PKIA: variants seen among roughly 807,000 people sequenced by gnomAD.
PKIA encodes the protein PKI-alpha.
PKIA carries 4 observed loss-of-function variants against 7.6 expected under a neutral mutation model. The observed-to-expected ratio is 0.52, with a 90% CI of 0.26 to 1.20. PKIA has a LOEUF of 1.20. PKIA is among the 50% of genes most tolerant of loss of function. PKIA has a pLI of 0.13. For synonymous variants in PKIA, 21 were observed against 30.7 expected (o/e 0.68, Z 1.04); for missense variants, 73 against 86.2 (o/e 0.85, Z 0.61).
At chr8:78,550,617 A>AC (rs560888121) in intron 1 of PKIA, among the ~76,000 whole-genome samples, 105 of 151,920 alleles carry the variant, frequency 6.9e-4, no homozygotes, top group Non-Finnish European at 1.1e-3. Context: ...TCCCCTGATC[A>AC]CCCATCCTCC....
At chr8:78,586,905 G>T (rs536922121) in intron 2 of PKIA, among the ~76,000 whole-genome samples, 2 of 152,264 alleles carry the variant, frequency 1.3e-5, no homozygotes, top group South Asian at 4.1e-4. Flanking sequence ...GAGTTGTTAA[G>T]AAATTTAAAT....
chr8:78,579,769 A>C (rs1374523730), intron 2 of PKIA, among the ~76,000 whole-genome samples: 1 of 152,104 alleles, frequency 6.6e-6, no homozygotes, highest in Admixed American at 6.6e-5. Context: ...TATTTAATGC[A>C]TAAGAATCAC....
chr8:78,558,076 G>A (rs1236524397), intron 1 of PKIA, among the ~76,000 whole-genome samples: 3 of 152,116 alleles, frequency 2.0e-5, no homozygotes, highest in African/African-American at 4.8e-5. Flanking sequence ...AGCAGTCAGA[G>A]TGAGTTGTCA....
In PKIA at chr8:78,552,926, C is replaced by T. The variant is rs1035817336; in HGVS notation, c.-156-19885C>T. Reference sequence around the variant, plus strand: ...AGAGATACATAAAGAAAGGAAGGCTCTTACAAAAATAAACACTACAAAATA... The same window carrying T: ...AGAGATACATAAAGAAAGGAAGGCTTTTACAAAAATAAACACTACAAAATA... On this transcript the variant is annotated intron_variant, in intron 1 of 3. Transcript: ENST00000396418. Among the ~76,000 whole-genome samples the T allele has an allele frequency of 5.9e-5, 9 of 151,970 alleles. No individual in the cohort carries two copies. The South Asian group carries it at 1.9e-3, about 32-fold the overall frequency.
intron 1 of PKIA, chr8:78,534,934 T>C (rs1806483171): frequency 6.6e-6 from 1 of 152,158 alleles, no homozygotes; most frequent in African/African-American, 2.4e-5. Context: ...TCTTTAGTCA[T>C]TGACTTTCTA....
intron 1 of PKIA, among the ~76,000 whole-genome samples, chr8:78,551,783 G>A (rs1019313019): frequency 3.3e-5 from 5 of 151,958 alleles, no homozygotes; most frequent in Non-Finnish European, 7.4e-5. Flanking sequence ...ATGGAAGTTA[G>A]TGGGGCTCTT....
In PKIA at chr8:78,542,860, T is replaced by C. The variant is rs1806730879; in HGVS notation, c.-157+26392T>C. Among the ~76,000 whole-genome samples, 3 of 152,152 alleles carry C rather than the reference T, an allele frequency of 2.0e-5. No homozygotes were observed. In the South Asian group the frequency reaches 6.2e-4, roughly 32 times the overall value. Reference sequence around the variant, plus strand: ...AAAAGTGTCTTATCTCCTTCCTGTCTCGTATCCATCTGAAGATGAAGAGTG... The same window carrying C: ...AAAAGTGTCTTATCTCCTTCCTGTCCCGTATCCATCTGAAGATGAAGAGTG... On this transcript the variant is annotated intron_variant, in intron 1 of 3. Coordinates refer to ENST00000396418, the MANE Select transcript of PKIA (RefSeq NM_006823.4).
At chr8:78,571,628 G>A (rs891213019) in intron 1 of PKIA, among the ~76,000 whole-genome samples, 6 of 152,142 alleles carry the variant, frequency 3.9e-5, no homozygotes, top group African/African-American at 1.4e-4. Context: ...CCCCCCAAGA[G>A]TAACCTGTTC....
intron 1 of PKIA, among the ~76,000 whole-genome samples, chr8:78,553,228 G>C (rs138001236): frequency 6.6e-6 from 1 of 151,862 alleles, no homozygotes; most frequent in Admixed American, 6.6e-5. Flanking sequence ...CAAATCTGGT[G>C]CATGTGGGCT....
At chr8:78,524,809 A>G (rs1451118367) in intron 1 of PKIA, among the ~76,000 whole-genome samples, 2 of 151,986 alleles carry the variant, frequency 1.3e-5, no homozygotes, top group Non-Finnish European at 2.9e-5. Flanking sequence ...TTGTTATTTC[A>G]TAAGTAAAAT....
At chr8:78,525,847 C>T (rs1378969533) in intron 1 of PKIA, among the ~76,000 whole-genome samples, 3 of 151,954 alleles carry the variant, frequency 2.0e-5, no homozygotes, top group Admixed American at 2.0e-4. Context: ...ATGTCTAGAT[C>T]ATGTTTTTCA....
chr8:78,562,073 T>A (rs1807299095), intron 1 of PKIA, among the ~76,000 whole-genome samples: 1 of 152,196 alleles, frequency 6.6e-6, no homozygotes, highest in Admixed American at 6.6e-5. Flanking sequence ...CTACCCTTTT[T>A]CTACATAAAA....
At chr8:78,555,962 A>G (rs1807123071) in intron 1 of PKIA, among the ~76,000 whole-genome samples, 1 of 152,080 alleles carries the variant, frequency 6.6e-6, no homozygotes, top group Non-Finnish European at 1.5e-5. Context: ...TTGGTCTGAA[A>G]GGACACAAAC....
At chr8:78,592,838 A>G (rs1808133712) in intron 2 of PKIA, among the ~76,000 whole-genome samples, 1 of 152,132 alleles carries the variant, frequency 6.6e-6, no homozygotes, top group Non-Finnish European at 1.5e-5. Flanking sequence ...TTTAAAAACT[A>G]TTTTCAGCAA....
At chr8:78,535,025 G>T (rs1194773192) in intron 1 of PKIA, 1 of 152,124 alleles carries the variant, frequency 6.6e-6, no homozygotes, top group Non-Finnish European at 1.5e-5. Flanking sequence ...GCTATTTACT[G>T]CCATGAGTTG....
chr8:78,585,299 T>C (rs188664578), intron 2 of PKIA, among the ~76,000 whole-genome samples: 1,556 of 152,174 alleles, frequency 0.01, 15 homozygotes, highest in Middle Eastern at 0.021. Context: ...TTAAATCACA[T>C]TTCTGCTCTA....
intron 1 of PKIA, among the ~76,000 whole-genome samples, chr8:78,528,903 A>G (rs903648197): frequency 3.9e-5 from 6 of 152,070 alleles, no homozygotes; most frequent in African/African-American, 1.4e-4. Context: ...TATTTCATAT[A>G]AACTTTGTAT....
At chr8:78,557,832 A>G (rs920682171) in intron 1 of PKIA, among the ~76,000 whole-genome samples, 2 of 149,942 alleles carry the variant, frequency 1.3e-5, no homozygotes, top group Non-Finnish European at 3.0e-5. Context: ...ACAGTAGTAC[A>G]ATGTTGCTTG....
intron 2 of PKIA, among the ~76,000 whole-genome samples, chr8:78,593,198 C>G (rs1808144750): frequency 6.6e-6 from 1 of 152,216 alleles, no homozygotes; most frequent in South Asian, 2.1e-4. Flanking sequence ...TCTTGGCTCA[C>G]TGCAACCTCC....
Sources: allele counts gnomAD v4.1 joint callset (sites outside exome capture counted in the v4.1 genomes callset), GRCh38; gene constraint gnomAD v4.1.1; transcripts MANE v1.5; gene names NCBI Gene and HGNC (gene_info 2026-07-23, HGNC 2026-07-21).